KIF26B: variants seen among roughly 807,000 people sequenced by gnomAD.
The protein encoded by KIF26B is kinesin-like protein KIF26B.
In KIF26B, 63 loss-of-function variants were observed where a neutral mutation model predicts 151.2. The observed-to-expected ratio is 0.42, with a 90% CI of 0.34 to 0.51. The LOEUF (loss-of-function observed/expected upper bound fraction) is 0.51, where lower values mean the gene tolerates loss of function less well. KIF26B is among the 20% of genes least tolerant of loss of function. KIF26B has a pLI of 0.07. For missense variants in KIF26B, 2,813 were observed against 2,913.6 expected, an observed-to-expected ratio of 0.97 and a Z score of 0.79; for synonymous variants, 1,357 against 1,262.1, an observed-to-expected ratio of 1.08 and a Z score of -1.59.
intron 2 of KIF26B, among the ~76,000 whole-genome samples, chr1:245,203,255 A>AAAAAAAAAAAAG (rs61541280): frequency 0.026 from 3,343 of 129,668 alleles, 349 homozygotes; most frequent in African/African-American, 0.095. Context: ...TCAAAAAAAA[A>AAAAAAAAAAAAG]AAAAGAAAAT....
chr1:245,469,867 A>G (rs12130892), intron 4 of KIF26B, among the ~76,000 whole-genome samples: 17,861 of 152,258 alleles, frequency 0.12, 1,152 homozygotes, highest in Non-Finnish European at 0.13. Context: ...GGAGGATACA[A>G]TCTAGTCTCT....
At chr1:245,638,984 C>T (rs2043860799) in intron 9 of KIF26B, among the ~76,000 whole-genome samples, 1 of 151,694 alleles carries the variant, frequency 6.6e-6, no homozygotes, top group African/African-American at 2.4e-5. Context: ...TCAGGGTGGC[C>T]TTGTAGAATG....
intron 4 of KIF26B, among the ~76,000 whole-genome samples, chr1:245,472,668 G>A (rs1407647502): frequency 1.3e-5 from 2 of 152,168 alleles, no homozygotes; most frequent in African/African-American, 4.8e-5. Context: ...AGAAATAAGT[G>A]GCTGCCGTGG....
intron 2 of KIF26B, among the ~76,000 whole-genome samples, chr1:245,295,194 A>G (rs1008070557): frequency 6.6e-6 from 1 of 152,210 alleles, no homozygotes; most frequent in South Asian, 2.1e-4. Flanking sequence ...CATTCGATAT[A>G]ACTTTATACA....
intron 3 of KIF26B, among the ~76,000 whole-genome samples, chr1:245,388,591 G>A (rs1200472792): frequency 6.6e-6 from 1 of 152,104 alleles, no homozygotes; most frequent in Non-Finnish European, 1.5e-5. Flanking sequence ...TTCCTTCTAC[G>A]TCTGCCTCCC....
intron 4 of KIF26B, among the ~76,000 whole-genome samples, chr1:245,534,918 C>G (rs1010466808): frequency 6.6e-6 from 1 of 151,888 alleles, no homozygotes; most frequent in Admixed American, 6.6e-5. Flanking sequence ...GAGTAGCTGG[C>G]ATTACAGGCA....
At position 245,667,052 on chromosome 1, in the gene KIF26B, A is replaced by G. The variant is rs896424238; in HGVS notation, c.2259-17181A>G. The stretch of plus-strand genomic sequence containing the variant: ...CCCTTGAAGACTGTGAGCTGTGCAG[A>G]ACGAAGCAGGTCATGGCTTGTCCTC... On this transcript the variant is annotated intron_variant, in intron 10 of 14. Coordinates refer to ENST00000407071, the MANE Select transcript of KIF26B (RefSeq NM_018012.4). The surrounding 1 kb of genome is among the most constrained non-coding windows in gnomAD (Gnocchi z 4.3). 6.6e-5 allele frequency among the ~76,000 whole-genome samples: 10 copies of G among 152,128 alleles called. No individual in the cohort carries two copies. Among genetic ancestry groups the G allele is most frequent in the Non-Finnish European group, 1.3e-4 (9 of 68,012 alleles).
At chr1:245,581,235 G>C (rs1052115392) in intron 5 of KIF26B, among the ~76,000 whole-genome samples, 6 of 152,198 alleles carry the variant, frequency 3.9e-5, no homozygotes, top group African/African-American at 1.4e-4. Flanking sequence ...CCACACTCAA[G>C]AGACCTACAA....
At chr1:245,240,766 C>T (rs1408663311) in intron 2 of KIF26B, among the ~76,000 whole-genome samples, 1 of 152,162 alleles carries the variant, frequency 6.6e-6, no homozygotes, top group Admixed American at 6.5e-5. Context: ...GGAGATGCCG[C>T]TGTGGGAGGG....
chr1:245,649,855 T>A (rs556796935), intron 10 of KIF26B, among the ~76,000 whole-genome samples: 1 of 152,378 alleles, frequency 6.6e-6, no homozygotes, highest in South Asian at 2.1e-4. Flanking sequence ...CTATTTGTCA[T>A]GTGAGCAAGC....
chr1:245,391,692 T>G (rs1302869814), intron 3 of KIF26B, among the ~76,000 whole-genome samples: 1 of 150,918 alleles, frequency 6.6e-6, no homozygotes, highest in African/African-American at 2.4e-5. Context: ...TTTGTGAAAA[T>G]GTAAAACAGC....
Position 245,155,308 on chromosome 1 carries a change from C to A in KIF26B, c.-117C>A. 1.3e-6 allele frequency: 1 copy of A among 794,380 alleles called. No individual in the cohort carries two copies. The highest frequency in any genetic ancestry group is 2.1e-6 in the Non-Finnish European group (1 of 475,340). The allele number at this position is 794,380 out of a possible 1,614,324, so 49.2% of individuals were successfully genotyped here. A position where few individuals can be genotyped will look rare whatever the true frequency, so the allele number is the denominator to read the frequency against. On this transcript the variant is annotated 5_prime_UTR_variant, in exon 1 of 15. Coordinates refer to ENST00000407071, the MANE Select transcript of KIF26B (RefSeq NM_018012.4). ...CCCTCCCACCCCACCGCTGAAGAAA[C>A]CTTGCCCTGAGGGCTGAGAGCCAGC...
intron 10 of KIF26B, among the ~76,000 whole-genome samples, chr1:245,683,058 G>T (rs544892790): frequency 3.9e-5 from 6 of 152,328 alleles, no homozygotes; most frequent in Admixed American, 3.3e-4. Context: ...ATTGATCCCA[G>T]ATGAGAAGGA....
intron 3 of KIF26B, among the ~76,000 whole-genome samples, chr1:245,403,424 T>C (rs1224817963): frequency 6.6e-6 from 1 of 152,250 alleles, no homozygotes; most frequent in Non-Finnish European, 1.5e-5. Flanking sequence ...TCCTCAAATG[T>C]GCCTTTATAT....
At chr1:245,315,614 T>C in intron 2 of KIF26B, among the ~76,000 whole-genome samples, 1 of 149,920 alleles carries the variant, frequency 6.7e-6, no homozygotes, top group Middle Eastern at 3.5e-3. Context: ...CCCAGCTACT[T>C]GGGAGGCTAA....
chr1:245,528,489 T>C (rs1422752849), intron 4 of KIF26B, among the ~76,000 whole-genome samples: 1 of 152,172 alleles, frequency 6.6e-6, no homozygotes, highest in Non-Finnish European at 1.5e-5. Flanking sequence ...TGTGACTGTG[T>C]ACTGGCAGGT....
intron 4 of KIF26B, among the ~76,000 whole-genome samples, chr1:245,441,009 G>A (rs1346432678): frequency 6.6e-6 from 1 of 152,230 alleles, no homozygotes; most frequent in African/African-American, 2.4e-5. Context: ...GGCAAGACAG[G>A]AAGGTATAAA....
At chr1:245,468,753 T>G (rs1659846751) in intron 4 of KIF26B, among the ~76,000 whole-genome samples, 1 of 152,032 alleles carries the variant, frequency 6.6e-6, no homozygotes, top group South Asian at 2.1e-4. Context: ...TATTATAAAG[T>G]TATAACGTCC....
chr1:245,513,699 G>A (rs1026210237), intron 4 of KIF26B, among the ~76,000 whole-genome samples: 4 of 152,174 alleles, frequency 2.6e-5, no homozygotes, highest in African/African-American at 7.2e-5. Flanking sequence ...GAAAAGCTGG[G>A]AGCCCAAGAA....
Sources: allele counts gnomAD v4.1 joint callset (sites outside exome capture counted in the v4.1 genomes callset), GRCh38; gene constraint gnomAD v4.1.1; non-coding constraint Gnocchi (gnomAD v3.1); transcripts MANE v1.5; gene names NCBI Gene and HGNC (gene_info 2026-07-23, HGNC 2026-07-21).